MDN1: variants seen among roughly 807,000 people sequenced by gnomAD.
MDN1 encodes the protein midasin AAA ATPase 1.
MDN1 carries 266 observed loss-of-function variants against 669.2 expected under a neutral mutation model. The observed-to-expected ratio is 0.40, with a 90% confidence interval of 0.36 to 0.44. The LOEUF is 0.44. MDN1 is among the 20% of genes least tolerant of loss of function. The probability of loss-of-function intolerance (pLI) is 1.00; values close to 1 mark genes in which losing one functional copy is unlikely to be tolerated. For missense variants in MDN1, 5,940 were observed against 6,754.0 expected, an observed-to-expected ratio of 0.88 and a Z score of 4.22; for synonymous variants, 2,385 against 2,457.1, an observed-to-expected ratio of 0.97 and a Z score of 0.87.
chr6:89,694,287 G>C, intron 61 of MDN1, 104 bp from the exon 62 acceptor site: 5 of 957,182 alleles, frequency 5.2e-6, no homozygotes, highest in Non-Finnish European at 8.3e-6. Flanking sequence ...AAGGAATCTG[G>C]GTTCCTGAAT....
At chr6:89,666,105 A>T (rs1198772508) in intron 84 of MDN1, among the ~76,000 whole-genome samples, 2 of 152,224 alleles carry the variant, frequency 1.3e-5, no homozygotes, top group Non-Finnish European at 2.9e-5. Context: ...AAGCCTCTCA[A>T]AGAATGACTA....
chr6:89,684,206 G>T (rs1450218854), intron 71 of MDN1, among the ~76,000 whole-genome samples: 7 of 152,066 alleles, frequency 4.6e-5, no homozygotes, highest in African/African-American at 1.7e-4. Context: ...AGCCGGGCTT[G>T]GTGGCTTGCA....
chr6:89,725,493 T>C, intron 37 of MDN1, 97 bp from the exon 38 acceptor site: 1 of 1,060,216 alleles, frequency 9.4e-7, no homozygotes, highest in Non-Finnish European at 1.4e-6. Flanking sequence ...GCTAGAGTTA[T>C]CTTCAGAAAG....
At chr6:89,726,737 C>T (rs1815264536) in intron 37 of MDN1, among the ~76,000 whole-genome samples, 1 of 152,072 alleles carries the variant, frequency 6.6e-6, no homozygotes, top group Admixed American at 6.6e-5. Flanking sequence ...TAGTTCAGAG[C>T]TCAGGGATGT....
intron 14 of MDN1, among the ~76,000 whole-genome samples, chr6:89,771,942 A>G (rs558176221): frequency 1.3e-5 from 2 of 152,246 alleles, no homozygotes; most frequent in Non-Finnish European, 2.9e-5. Flanking sequence ...CCCGGGCTCA[A>G]GCAATCCTCC....
At chr6:89,784,399 A>G (rs535438951) in intron 9 of MDN1, among the ~76,000 whole-genome samples, 137 of 152,336 alleles carry the variant, frequency 9.0e-4, no homozygotes, top group Non-Finnish European at 1.2e-3. Context: ...CAATAAAGGG[A>G]AAAGCATCTC....
chr6:89,757,302 T>C (rs1817304410), intron 19 of MDN1, among the ~76,000 whole-genome samples: 2 of 152,220 alleles, frequency 1.3e-5, no homozygotes, highest in African/African-American at 4.8e-5. Context: ...TTAAAGGCCT[T>C]TTCAAATCAT....
At chr6:89,716,140 T>C (rs1452410784) in intron 44 of MDN1, among the ~76,000 whole-genome samples, 1 of 152,198 alleles carries the variant, frequency 6.6e-6, no homozygotes, top group Non-Finnish European at 1.5e-5. Context: ...AGATAAATGC[T>C]CCGTGAAGAA....
In MDN1 at chr6:89,752,846, C is replaced by T. The variant is rs182148099; in HGVS notation, c.3075+666G>A. On this transcript the variant is annotated intron_variant, in intron 22 of 101. Transcript: ENST00000369393. ...AAAGCTACAGAATATTCTTATGGGCCGGGCACGGTGACTCACGCCTGTAAT... is the reference window on the plus strand; with the variant it reads ...AAAGCTACAGAATATTCTTATGGGCTGGGCACGGTGACTCACGCCTGTAAT... Among the ~76,000 whole-genome samples the T allele has an allele frequency of 2.4e-4, 37 of 152,228 alleles. 1 individual carries two copies. Among genetic ancestry groups the T allele is most frequent in the Admixed American group, 1.7e-3 (26 of 15,294 alleles).
chr6:89,717,971 A>T (rs892584834), intron 43 of MDN1, among the ~76,000 whole-genome samples: 1 of 152,208 alleles, frequency 6.6e-6, no homozygotes, highest in Non-Finnish European at 1.5e-5. Flanking sequence ...AGGATGATAT[A>T]TTTCCTCCAT....
intron 79 of MDN1, 192 bp from the exon 80 acceptor site, chr6:89,673,654 A>G: frequency 1.7e-6 from 1 of 573,860 alleles, no homozygotes; most frequent in Non-Finnish European, 3.1e-6. Context: ...TATTTTCATA[A>G]TTTGATTCTA....
At chr6:89,770,472 T>C (rs1010850391) in intron 15 of MDN1, among the ~76,000 whole-genome samples, 4 of 151,106 alleles carry the variant, frequency 2.6e-5, no homozygotes, top group African/African-American at 9.7e-5. Flanking sequence ...TGAAAAATCA[T>C]ATATATTAAT....
chr6:89,658,114 AT>A (rs2128300290), intron 90 of MDN1, 94 bp downstream of exon 90: 1 of 1,475,830 alleles, frequency 6.8e-7, no homozygotes, highest in African/African-American at 1.4e-5. Flanking sequence ...ATAACCAAAC[AT>A]AAACCAACTA....
chr6:89,778,956 TC>T (rs1818501685), intron 11 of MDN1, among the ~76,000 whole-genome samples: 1 of 149,294 alleles, frequency 6.7e-6, no homozygotes, highest in Admixed American at 6.7e-5. Flanking sequence ...AGGGCCTGTG[TC>T]AGTATGTACT....
intron 74 of MDN1, 22 bp downstream of exon 74, chr6:89,680,567 T>C: frequency 1.9e-6 from 3 of 1,608,428 alleles, no homozygotes; most frequent in Non-Finnish European, 2.5e-6. Context: ...GATCCACCCT[T>C]GACTTGGATG....
intron 73 of MDN1, 80 bp from the exon 74 acceptor site, chr6:89,680,831 G>A: frequency 6.8e-7 from 1 of 1,478,946 alleles, no homozygotes; most frequent in Non-Finnish European, 9.1e-7. Context: ...TTTAACTGTT[G>A]CACACAAAAA....
At chr6:89,700,609 A>G (rs1250482913) in intron 56 of MDN1, 37 bp downstream of exon 56, 1 of 1,589,996 alleles carries the variant, frequency 6.3e-7, no homozygotes, top group Admixed American at 1.7e-5. Context: ...ATATTTTCAG[A>G]GCATCTGTCA....
chr6:89,734,554 G>A (rs1413117441), intron 33 of MDN1, among the ~76,000 whole-genome samples: 1 of 151,784 alleles, frequency 6.6e-6, no homozygotes, highest in Non-Finnish European at 1.5e-5. Flanking sequence ...TGGCTACTTG[G>A]GAGGGTGAGG....
chr6:89,664,464 T>G (rs780773865), intron 85 of MDN1, 23 bp downstream of exon 85: 45 of 1,610,942 alleles, frequency 2.8e-5, no homozygotes, highest in Non-Finnish European at 3.8e-5. Context: ...AAAACAAGAA[T>G]GAAGTGACAG....
Sources: allele counts gnomAD v4.1 joint callset (sites outside exome capture counted in the v4.1 genomes callset), GRCh38; gene constraint gnomAD v4.1.1; transcripts MANE v1.5; gene names NCBI Gene and HGNC (gene_info 2026-07-23, HGNC 2026-07-21).